The following GPR39 variants were observed in gnomAD, a reference collection of about 807,000 sequenced individuals.
GPR39 encodes the protein zinc sensing receptor.
Under a neutral mutation model 18.4 loss-of-function variants are expected in GPR39, and 23 were observed. The ratio of observed to expected loss-of-function variants is 1.25; its 90% confidence interval spans 0.90 to 1.77. The LOEUF (loss-of-function observed/expected upper bound fraction) is 1.77. Among genes scored for constraint, GPR39 ranks in the 40% most tolerant of loss-of-function variants. GPR39 has a pLI of 0.00. For missense variants in GPR39, 647 were observed against 602.4 expected (o/e 1.07, Z -0.78); for synonymous variants, 280 against 257.9 (o/e 1.09, Z -0.82).
chr2:132,560,680 T>G (rs1680234772), intron 1 of GPR39, among the ~76,000 whole-genome samples: 1 of 152,144 alleles, frequency 6.6e-6, no homozygotes, highest in Admixed American at 6.6e-5. Flanking sequence ...TTTGGCCCCT[T>G]CTCAGCCTCT....
At chr2:132,512,702 G>A (rs973621973) in intron 1 of GPR39, among the ~76,000 whole-genome samples, 1 of 152,202 alleles carries the variant, frequency 6.6e-6, no homozygotes, top group Non-Finnish European at 1.5e-5. Flanking sequence ...GTACACACTA[G>A]TGCCTGGCTC....
intron 1 of GPR39, chr2:132,644,881 C>T (rs1195647476): frequency 1.7e-6 from 1 of 580,244 alleles, no homozygotes; most frequent in Middle Eastern, 4.5e-4. Context: ...AATGGTCTTT[C>T]TTTAACACAG....
intron 1 of GPR39, among the ~76,000 whole-genome samples, chr2:132,606,937 C>A (rs866976452): frequency 6.6e-6 from 1 of 152,174 alleles, no homozygotes; most frequent in Non-Finnish European, 1.5e-5. Context: ...AGCAGAGGAC[C>A]CTGCCACTCT....
intron 1 of GPR39, among the ~76,000 whole-genome samples, chr2:132,429,685 G>T (rs1380910847): frequency 6.6e-6 from 1 of 152,214 alleles, no homozygotes; most frequent in African/African-American, 2.4e-5. Flanking sequence ...AGACAGAAAA[G>T]CTAAAGACAG....
intron 1 of GPR39, among the ~76,000 whole-genome samples, chr2:132,555,270 G>A (rs1317184886): frequency 6.6e-6 from 1 of 152,098 alleles, no homozygotes; most frequent in African/African-American, 2.4e-5. Context: ...GAATAGGTTG[G>A]TAATCTATTG....
chr2:132,469,946 G>A (rs568324685), intron 1 of GPR39, among the ~76,000 whole-genome samples: 1 of 152,204 alleles, frequency 6.6e-6, no homozygotes, highest in Non-Finnish European at 1.5e-5. Context: ...TCTCAGAGGA[G>A]TTGGCAAAAG....
At chr2:132,496,038 C>T (rs1260909325) in intron 1 of GPR39, among the ~76,000 whole-genome samples, 1 of 152,166 alleles carries the variant, frequency 6.6e-6, no homozygotes, top group Non-Finnish European at 1.5e-5. Context: ...CAGCATCGGA[C>T]TTCCAATTTT....
intron 1 of GPR39, among the ~76,000 whole-genome samples, chr2:132,598,257 TCTTA>T (rs1189785310): frequency 1.3e-5 from 2 of 152,184 alleles, no homozygotes; most frequent in Admixed American, 6.5e-5. Flanking sequence ...GTTTAAAGCC[TCTTA>T]CTTAAGAACT....
At chr2:132,468,104 A>G (rs116142142) in intron 1 of GPR39, among the ~76,000 whole-genome samples, 3,126 of 152,284 alleles carry the variant, frequency 0.021, 99 homozygotes, top group African/African-American at 0.071. Flanking sequence ...CATGATGGGA[A>G]ATTCTTTTTT....
chr2:132,632,610 C>T (rs1483805881), intron 1 of GPR39, among the ~76,000 whole-genome samples: 1 of 152,182 alleles, frequency 6.6e-6, no homozygotes, highest in Non-Finnish European at 1.5e-5. Context: ...GGCCCTGACA[C>T]TTTCCTGCTG....
intron 1 of GPR39, among the ~76,000 whole-genome samples, chr2:132,535,344 T>C (rs1326841979): frequency 2.0e-5 from 3 of 152,238 alleles, no homozygotes; most frequent in African/African-American, 7.2e-5. Context: ...TGTGTTTATT[T>C]CTGTTTATGT....
chr2:132,602,707 T>C (rs1204858847), intron 1 of GPR39, among the ~76,000 whole-genome samples: 2 of 151,436 alleles, frequency 1.3e-5, no homozygotes, highest in African/African-American at 4.9e-5. Context: ...CTGAATAATC[T>C]GATGTAAAAT....
intron 1 of GPR39, chr2:132,433,583 C>A (rs1680260788): frequency 6.6e-6 from 1 of 151,438 alleles, no homozygotes; most frequent in Non-Finnish European, 1.5e-5. Flanking sequence ...CATGATATCA[C>A]AAGAAAAAGC....
intron 1 of GPR39, among the ~76,000 whole-genome samples, chr2:132,612,364 A>G (rs2104851250): frequency 1.3e-5 from 2 of 150,384 alleles, no homozygotes; most frequent in South Asian, 4.2e-4. Flanking sequence ...TGCATTTTAC[A>G]TTTTTTGACA....
At chr2:132,595,548 C>T (rs1356706097) in intron 1 of GPR39, among the ~76,000 whole-genome samples, 3 of 152,148 alleles carry the variant, frequency 2.0e-5, no homozygotes, top group Non-Finnish European at 4.4e-5. Context: ...ATCCCCACCA[C>T]TGGAGACGAC....
chr2:132,569,200 G>T (rs1335597910), intron 1 of GPR39, among the ~76,000 whole-genome samples: 1 of 152,010 alleles, frequency 6.6e-6, no homozygotes, highest in Non-Finnish European at 1.5e-5. Context: ...TGAAATAATT[G>T]GAAAGAATAA....
intron 1 of GPR39, among the ~76,000 whole-genome samples, chr2:132,535,007 C>A (rs1042299999): frequency 3.4e-5 from 5 of 145,618 alleles, no homozygotes; most frequent in South Asian, 2.2e-4. Flanking sequence ...AAAAAAAAAA[C>A]ATGTCATCTG....
chr2:132,645,431 C>A lies in GPR39; in HGVS notation c.1187C>A (p.Ser396Tyr). 6.2e-7 allele frequency: 1 copy of A among 1,613,632 alleles called. No individual in the cohort carries two copies. The highest frequency in any genetic ancestry group is 8.5e-7 in the Non-Finnish European group (1 of 1,180,034). ...GTGCAGCGCCCGTTGCTCTTCGCGTCCCGGCGCCAGTCCTCTGCAAGGAGA... is the reference window on the plus strand; with the variant it reads ...GTGCAGCGCCCGTTGCTCTTCGCGTACCGGCGCCAGTCCTCTGCAAGGAGA... ...RFVQRPLLFA[S>Y]RRQSSARRTE... is the part of the protein sequence containing the mutation. The change falls in exon 2 of 2, where the codon TCC becomes TAC. Residue 396 changes from serine to tyrosine, a missense_variant. Physicochemically the swap from Ser to Tyr is moderately radical, Grantham distance 144. Around this residue, in one of 3 missense-constraint regions of GPR39, gnomAD observed 581 missense variants for 506.8 expected, o/e 1.15. Transcript: ENST00000329321.
intron 1 of GPR39, among the ~76,000 whole-genome samples, chr2:132,495,106 G>A (rs981876714): frequency 1.3e-5 from 2 of 152,112 alleles, no homozygotes; most frequent in Non-Finnish European, 2.9e-5. Context: ...CCATAGAAGA[G>A]CATGTGCTGT....
Sources: gnomAD v4.1 joint callset for allele counts (sites outside exome capture counted in the v4.1 genomes callset) on GRCh38, gnomAD v4.1.1 for gene constraint, gnomAD v4.1.1 regional missense constraint, MANE v1.5 for transcripts, NCBI Gene and HGNC (gene_info 2026-07-23, HGNC 2026-07-21) for gene names.